ARHGAP10: variants seen among roughly 807,000 people sequenced by gnomAD.
The protein encoded by ARHGAP10 is Rho GTPase activating protein 10.
Under a neutral mutation model 108.6 loss-of-function variants are expected in ARHGAP10, and 87 were observed. The observed-to-expected ratio is 0.80, with a 90% CI of 0.67 to 0.96. The LOEUF (loss-of-function observed/expected upper bound fraction) is 0.96, where lower values mean the gene tolerates loss of function less well. Ranked by LOEUF, ARHGAP10 falls within the 40% of genes least tolerant of loss-of-function variation. The pLI is 0.00. For missense variants in ARHGAP10, 939 were observed against 954.5 expected, an observed-to-expected ratio of 0.98 and a Z score of 0.21; for synonymous variants, 347 against 341.1, an observed-to-expected ratio of 1.02 and a Z score of -0.19.
intron 14 of ARHGAP10, 81 bp from the exon 15 acceptor site, chr4:147,946,536 A>G: frequency 1.7e-6 from 2 of 1,197,506 alleles, no homozygotes; most frequent in Non-Finnish European, 1.2e-6. Flanking sequence ...CCATTTAAAA[A>G]TGGAAGCTTT....
intron 1 of ARHGAP10, among the ~76,000 whole-genome samples, chr4:147,798,777 CTCTCTATATA>C (rs1731450000): frequency 1.6e-3 from 6 of 3,840 alleles, no homozygotes; most frequent in African/African-American, 2.1e-3. Context: ...CTCTCTCTCT[CTCTCTATATA>C]TATATATATA....
At chr4:147,909,843 C>A in intron 12 of ARHGAP10, 66 bp downstream of exon 12, 1 of 1,483,502 alleles carries the variant, frequency 6.7e-7, no homozygotes, top group Non-Finnish European at 9.4e-7. Context: ...GTACATTATG[C>A]ATGTCAAGCT....
At chr4:147,793,765 G>T (rs375177850) in intron 1 of ARHGAP10, among the ~76,000 whole-genome samples, 1 of 152,134 alleles carries the variant, frequency 6.6e-6, no homozygotes, top group Non-Finnish European at 1.5e-5. Context: ...CAAATCATCC[G>T]TGCCTGTGTA....
intron 4 of ARHGAP10, among the ~76,000 whole-genome samples, chr4:147,855,900 T>C (rs749098549): frequency 6.6e-6 from 1 of 152,158 alleles, no homozygotes; most frequent in Non-Finnish European, 1.5e-5. Flanking sequence ...ATAAAAGAAG[T>C]AGAGAATTAA....
At chr4:147,807,380 C>T (rs1234733946) in intron 1 of ARHGAP10, among the ~76,000 whole-genome samples, 1 of 151,588 alleles carries the variant, frequency 6.6e-6, no homozygotes, top group Admixed American at 6.6e-5. Context: ...TGACATGAAA[C>T]TATTGTTCAA....
chr4:147,861,484 G>A (rs1054709071), intron 5 of ARHGAP10: 1 of 152,410 alleles, frequency 6.6e-6, no homozygotes, highest in African/African-American at 2.4e-5. Flanking sequence ...ACCCCTGTTT[G>A]TGTTACAGCT....
chr4:147,856,589 T>C (rs758875008), intron 4 of ARHGAP10, among the ~76,000 whole-genome samples: 3 of 152,226 alleles, frequency 2.0e-5, no homozygotes, highest in African/African-American at 4.8e-5. Context: ...TAAAATTACC[T>C]TTAGGCTATG....
intron 1 of ARHGAP10, among the ~76,000 whole-genome samples, chr4:147,781,681 CTTTTT>C (rs56781517): frequency 1.5e-5 from 2 of 130,568 alleles, no homozygotes; most frequent in South Asian, 4.9e-4. Flanking sequence ...CTTTTCTTTT[CTTTTT>C]TTTTTTTTTT....
chr4:148,052,353 A>G (rs1729177192), intron 20 of ARHGAP10, among the ~76,000 whole-genome samples: 1 of 151,306 alleles, frequency 6.6e-6, no homozygotes, highest in Non-Finnish European at 1.5e-5. Flanking sequence ...AAAAAAAAAA[A>G]AAAGATTTAT....
chr4:147,764,245 A>G (rs1355509355), intron 1 of ARHGAP10, among the ~76,000 whole-genome samples: 1 of 152,070 alleles, frequency 6.6e-6, no homozygotes, highest in Non-Finnish European at 1.5e-5. Context: ...GAGTAATGTG[A>G]GATGAGGGTG....
At chr4:147,922,071 G>T (rs972508821) in intron 13 of ARHGAP10, among the ~76,000 whole-genome samples, 1 of 152,106 alleles carries the variant, frequency 6.6e-6, no homozygotes, top group African/African-American at 2.4e-5. Flanking sequence ...GCTGAGTTCT[G>T]CAGGGCAAGA....
rs149853025 is a variant in ARHGAP10 at position 148,046,962 on chromosome 4, C to T, written c.1938C>T (p.Pro646=). 4.9e-4 allele frequency: 787 copies of T among 1,614,146 alleles called. 2 individuals are homozygous for T. The African/African-American group carries it at 8.1e-3, about 17-fold the overall frequency. ...SSLDSLSSPS[P]VTTAVPGPPG... ...TGGACTCACTTTCCTCCCCGTCTCC[C>T]GTGACTACAGCTGTCCCTGGGCCTC... Residue 646 remains proline, a synonymous_variant, in exon 20 of 23, where the codon CCC becomes CCT. Coordinates refer to ENST00000336498, the MANE Select transcript of ARHGAP10 (RefSeq NM_024605.4).
At chr4:148,043,746 G>GTATATATATATGTATATATATGTATA (rs34694852) in intron 19 of ARHGAP10, among the ~76,000 whole-genome samples, 1 of 137,812 alleles carries the variant, frequency 7.3e-6, no homozygotes, top group African/African-American at 2.7e-5. Flanking sequence ...GTATATATAT[G>GTATATATATATGTATATATATGTATA]TATATATGTA....
chr4:148,041,996 A>G (rs1319682632), intron 19 of ARHGAP10, among the ~76,000 whole-genome samples: 1 of 152,194 alleles, frequency 6.6e-6, no homozygotes, highest in Non-Finnish European at 1.5e-5. Context: ...TTTCAGATCA[A>G]TAAAACTATC....
chr4:147,797,908 C>A (rs916402068), intron 1 of ARHGAP10, among the ~76,000 whole-genome samples: 4 of 151,850 alleles, frequency 2.6e-5, no homozygotes, highest in Non-Finnish European at 5.9e-5. Context: ...CCCACCCCAA[C>A]CCATCCCATG....
chr4:148,021,527 T>C (rs1203322868), intron 18 of ARHGAP10, among the ~76,000 whole-genome samples: 1 of 152,224 alleles, frequency 6.6e-6, no homozygotes, highest in African/African-American at 2.4e-5. Context: ...TCAAACATAT[T>C]AGTAGGTAAG....
intron 1 of ARHGAP10, among the ~76,000 whole-genome samples, chr4:147,734,251 A>C (rs891393099): frequency 6.6e-6 from 1 of 152,120 alleles, no homozygotes; most frequent in African/African-American, 2.4e-5. Flanking sequence ...TATTTCTGTG[A>C]CAGCATATTA....
At chr4:148,067,113 G>GATGTGAGCGTCTCATTTA (rs1161419294) in intron 22 of ARHGAP10, among the ~76,000 whole-genome samples, 24 of 152,240 alleles carry the variant, frequency 1.6e-4, no homozygotes, top group Admixed American at 1.2e-3. Flanking sequence ...CCTACCCAGG[G>GATGTGAGCGTCTCATTTA]ATGTGAGCGT....
At chr4:147,980,226 GT>G (rs1454212811) in intron 18 of ARHGAP10, among the ~76,000 whole-genome samples, 2 of 151,664 alleles carry the variant, frequency 1.3e-5, no homozygotes, top group Non-Finnish European at 1.5e-5. Context: ...TAGTTTGTTG[GT>G]TTTTTTCTTT....
Sources: gnomAD v4.1 joint callset for allele counts (sites outside exome capture counted in the v4.1 genomes callset) on GRCh38, gnomAD v4.1.1 for gene constraint, MANE v1.5 for transcripts, NCBI Gene and HGNC (gene_info 2026-07-23, HGNC 2026-07-21) for gene names.